Variants in ODF2 observed in about 807,000 individuals in gnomAD.
ODF2 encodes the protein outer dense fiber of sperm tails 2.
Under a neutral mutation model 110.2 loss-of-function variants are expected in ODF2, and 47 were observed. The ratio of observed to expected loss-of-function variants is 0.43; its 90% CI spans 0.34 to 0.54. ODF2 has a LOEUF of 0.54. ODF2 is among the 20% of genes least tolerant of loss of function. The probability of loss-of-function intolerance (pLI) is 0.03; values close to 1 mark genes in which losing one functional copy is unlikely to be tolerated. For synonymous variants in ODF2, 352 were observed against 397.7 expected, an observed-to-expected ratio of 0.89 and a Z score of 1.37; for missense variants, 812 against 1,054.5, an observed-to-expected ratio of 0.77 and a Z score of 3.19.
intron 8 of ODF2, among the ~76,000 whole-genome samples, chr9:128,480,930 C>T (rs996431271): frequency 3.9e-5 from 6 of 152,114 alleles, no homozygotes; most frequent in Non-Finnish European, 8.8e-5. Context: ...CAGTATTTCT[C>T]TTGATGCAGC....
chr9:128,482,043 G>A (rs1298269024), intron 9 of ODF2, among the ~76,000 whole-genome samples: 1 of 152,294 alleles, frequency 6.6e-6, no homozygotes, highest in Middle Eastern at 3.4e-3. Flanking sequence ...TCCAAAGTCT[G>A]TTCATGGAAC....
At chr9:128,473,851 CT>C in intron 8 of ODF2, 110 bp downstream of exon 8, 3 of 960,966 alleles carry the variant, frequency 3.1e-6, no homozygotes, top group Non-Finnish European at 3.1e-6. Flanking sequence ...CTGAGAGGTC[CT>C]TAGAGAGATG....
intron 10 of ODF2, 96 bp from the exon 11 acceptor site, chr9:128,483,842 C>T (rs748403923): frequency 2.1e-5 from 17 of 827,072 alleles, no homozygotes; most frequent in African/African-American, 6.7e-5. Flanking sequence ...GCTGAGATTG[C>T]GCCACTGCAC....
At chr9:128,456,731 C>T (rs1834909014) in intron 1 of ODF2, 1 of 983,302 alleles carries the variant, frequency 1.0e-6, no homozygotes, top group Non-Finnish European at 1.2e-6. Context: ...CGGGCACCGT[C>T]TCCGGCTTGC....
At chr9:128,471,984 TTTAA>T (rs955116588) in intron 6 of ODF2, among the ~76,000 whole-genome samples, 14 of 152,004 alleles carry the variant, frequency 9.2e-5, no homozygotes, top group African/African-American at 3.4e-4. Context: ...ATTTATTTTA[TTTAA>T]TTAATTTATT....
At position 128,456,758 on chromosome 9, in the gene ODF2, C is replaced by CG. The variant is rs112684591; in HGVS notation, c.-208-431dup. 2,934 of 884,636 alleles carry CG rather than the reference C, an allele frequency of 3.3e-3. 3 individuals carry two copies. The highest frequency in any genetic ancestry group is 6.8e-3 in the African/African-American group (370 of 54,452). 54.8% of individuals were successfully genotyped at this position (884,636 alleles called of 1,614,324 possible). ...CCGGCTTGCCAGGGCCCTCGCCCGG[C>CG]GGGGGGGGGTCCCGCCCGCCCCCTC... is the stretch of plus-strand genomic sequence containing the variant. On this transcript the variant is annotated intron_variant, in intron 1 of 20. Transcript: ENST00000604420.
chr9:128,472,263 A>G (rs947464370), intron 6 of ODF2, among the ~76,000 whole-genome samples: 2 of 152,180 alleles, frequency 1.3e-5, no homozygotes, highest in African/African-American at 2.4e-5. Flanking sequence ...GCTGGAGTGC[A>G]GTGGCGTGAT....
Position 128,500,052 on chromosome 9 carries a change from G to T in ODF2, c.2302-15G>T, listed in dbSNP as rs756319897. On this transcript the variant is annotated splice_polypyrimidine_tract_variant and intron_variant, in intron 20 of 20. Transcript: ENST00000604420. ...ACACTGCACAGCGGGCCCATGCTCT[G>T]TTTCTCCTCGTTAGGCGGACCGCCG... is the stretch of plus-strand genomic sequence containing the variant. 1.2e-6 allele frequency: 2 copies of T among 1,614,094 alleles called. No homozygotes were observed. Among genetic ancestry groups the T allele is most frequent in the Non-Finnish European group, 1.7e-6 (2 of 1,179,990 alleles).
chr9:128,478,850 G>C (rs1841871021), intron 8 of ODF2, among the ~76,000 whole-genome samples: 1 of 152,098 alleles, frequency 6.6e-6, no homozygotes, highest in Non-Finnish European at 1.5e-5. Flanking sequence ...TCTGGTTCTG[G>C]AGTCCGAGTC....
At chr9:128,476,540 G>A (rs1364680439) in intron 8 of ODF2, among the ~76,000 whole-genome samples, 1 of 150,950 alleles carries the variant, frequency 6.6e-6, no homozygotes, top group Non-Finnish European at 1.5e-5. Context: ...CACCTGCCTC[G>A]GCCTCCCAAA....
intron 4 of ODF2, among the ~76,000 whole-genome samples, chr9:128,467,526 C>T (rs1838545637): frequency 6.6e-6 from 1 of 151,910 alleles, no homozygotes; most frequent in Non-Finnish European, 1.5e-5. Flanking sequence ...GGGCTTATCA[C>T]CTGAGGTCAG....
At chr9:128,467,313 G>A (rs1275072912) in intron 4 of ODF2, among the ~76,000 whole-genome samples, 1 of 151,634 alleles carries the variant, frequency 6.6e-6, no homozygotes, top group East Asian at 1.9e-4. Context: ...GAAAAGGTAC[G>A]GTAAAAATAC....
chr9:128,466,924 C>G (rs1838081875), intron 4 of ODF2, among the ~76,000 whole-genome samples: 1 of 130,158 alleles, frequency 7.7e-6, no homozygotes, highest in Non-Finnish European at 1.6e-5. Flanking sequence ...TTGCAGTGAG[C>G]CGAGATTGCA....
rs551510632 is a variant in ODF2 at position 128,459,667 on chromosome 9, G to A, written c.123+10G>A. 1.9e-5 allele frequency: 31 copies of A among 1,602,474 alleles called. No homozygotes were observed. In the South Asian group the frequency reaches 3.2e-4, roughly 17 times the overall value. On this transcript the variant is annotated intron_variant, in intron 3 of 20. Transcript: ENST00000604420. Reference sequence around the variant, plus strand: ...CAGTGTAACTGTGACGGTAGGTGATGCACTCACGTAGCAGCCCTCTTTGGT... The same window carrying A: ...CAGTGTAACTGTGACGGTAGGTGATACACTCACGTAGCAGCCCTCTTTGGT...
intron 8 of ODF2, among the ~76,000 whole-genome samples, chr9:128,477,430 TC>T: frequency 6.6e-6 from 1 of 151,822 alleles, no homozygotes; most frequent in East Asian, 1.9e-4. Flanking sequence ...ACACCTATAG[TC>T]CTAGCTACTC....
At chr9:128,478,468 C>T (rs974440122) in intron 8 of ODF2, among the ~76,000 whole-genome samples, 10 of 148,350 alleles carry the variant, frequency 6.7e-5, no homozygotes, top group Non-Finnish European at 1.3e-4. Context: ...CATGGCGGTA[C>T]GCTCCTGTAG....
chr9:128,485,036 G>C lies in ODF2; in HGVS notation c.1290+150G>C. ...GATAGATGGCTGGGGAGGAGGGAGAGGGAGTTAAGGGGATCAAATGGGTAA... is the reference window on the plus strand; with the variant it reads ...GATAGATGGCTGGGGAGGAGGGAGACGGAGTTAAGGGGATCAAATGGGTAA... On this transcript the variant is annotated intron_variant, in intron 12 of 20. Coordinates refer to ENST00000604420, the Ensembl canonical transcript of ODF2. The surrounding 1 kb of genome is among the most constrained non-coding windows in gnomAD (Gnocchi z 5.0). 1.2e-6 allele frequency: 1 copy of C among 804,300 alleles called. No individual in the cohort carries two copies. The highest frequency in any genetic ancestry group is 2.7e-5 in the East Asian group (1 of 37,374). The allele number at this position is 804,300 out of a possible 1,614,324, so 49.8% of individuals were successfully genotyped here.
intron 3 of ODF2, among the ~76,000 whole-genome samples, chr9:128,459,989 T>A (rs916199189): frequency 6.6e-6 from 1 of 152,188 alleles, no homozygotes; most frequent in Admixed American, 6.6e-5. Context: ...TTGAGGGGTT[T>A]GTAGCTGTGG....
upstream of ODF2, chr9:128,455,861 G>A: frequency 3.0e-6 from 3 of 984,132 alleles, no homozygotes; most frequent in Admixed American, 6.9e-5. Flanking sequence ...CTTTGAGTGA[G>A]GGGAATCCGG....
Sources: allele counts gnomAD v4.1 joint callset (sites outside exome capture counted in the v4.1 genomes callset), GRCh38; gene constraint gnomAD v4.1.1; non-coding constraint Gnocchi (gnomAD v3.1); transcripts MANE v1.5; gene names NCBI Gene and HGNC (gene_info 2026-07-23, HGNC 2026-07-21).